Variants in ABCA13 observed in about 807,000 individuals in gnomAD.
ABCA13 encodes the protein ATP-binding cassette sub-family A member 13.
In ABCA13, 476 loss-of-function variants were observed where a neutral mutation model predicts 478.7. That is an observed-to-expected ratio of 0.99 (90% CI 0.92 to 1.07). ABCA13 has a LOEUF of 1.07. Ranked by LOEUF, ABCA13 falls within the 50% of genes least tolerant of loss-of-function variation. The pLI, the probability that ABCA13 is intolerant of heterozygous loss-of-function variation, is 0.00. For synonymous variants in ABCA13, 2,252 were observed against 2,158.9 expected (o/e 1.04, Z -1.20); for missense variants, 6,060 against 5,910.6 (o/e 1.03, Z -0.83).
chr7:48,174,710 T>G (rs1330313639), intron 1 of ABCA13, among the ~76,000 whole-genome samples: 1 of 152,148 alleles, frequency 6.6e-6, no homozygotes, highest in Non-Finnish European at 1.5e-5. Context: ...CTAATTAACT[T>G]TTGTGGTCTT....
At position 48,380,188 on chromosome 7, in the gene ABCA13, A is replaced by G. The variant is rs562507590; in HGVS notation, c.11335+3616A>G. 5.3e-5 allele frequency among the ~76,000 whole-genome samples: 8 copies of G among 152,346 alleles called. No homozygotes were observed. The East Asian group carries it at 9.6e-4, about 18-fold the overall frequency. ...ATTGTGCTATACAGTTTTAAAATATATATATCAAATGACAATGTAACATAG... is the reference window on the plus strand; with the variant it reads ...ATTGTGCTATACAGTTTTAAAATATGTATATCAAATGACAATGTAACATAG... On this transcript the variant is annotated intron_variant, in intron 35 of 61. Transcript: ENST00000435803.
At chr7:48,328,308 T>G (rs970702201) in intron 27 of ABCA13, among the ~76,000 whole-genome samples, 3 of 152,156 alleles carry the variant, frequency 2.0e-5, no homozygotes, top group Non-Finnish European at 4.4e-5. Flanking sequence ...TCCATTGCAA[T>G]CCACTTTCTG....
chr7:48,302,520 C>T (rs1371756257), intron 23 of ABCA13, among the ~76,000 whole-genome samples: 1 of 152,068 alleles, frequency 6.6e-6, no homozygotes, highest in Non-Finnish European at 1.5e-5. Context: ...AAATAGGCCC[C>T]AGTGTGCTTT....
At chr7:48,574,860 T>G (rs1788017258) in intron 55 of ABCA13, among the ~76,000 whole-genome samples, 1 of 152,214 alleles carries the variant, frequency 6.6e-6, no homozygotes, top group African/African-American at 2.4e-5. Flanking sequence ...TAAATAGATT[T>G]TTCTGCATTT....
intron 55 of ABCA13, among the ~76,000 whole-genome samples, chr7:48,553,581 G>A (rs951484266): frequency 1.2e-4 from 18 of 151,840 alleles, no homozygotes; most frequent in Admixed American, 2.6e-4. Context: ...GAACTTTTTC[G>A]TATACCTGTT....
rs186657376 is a variant in ABCA13 at position 48,511,235 on chromosome 7, T to G, written c.13640+36T>G. On this transcript the variant is annotated intron_variant, in intron 51 of 61. Coordinates refer to ENST00000435803, the MANE Select transcript of ABCA13 (RefSeq NM_152701.5). ...AGAAACGCTGCTGCAGAATTACGGT[T>G]TGTTTTCTGAAAGAGAAAACCCTCA... 9.0e-5 allele frequency: 139 copies of G among 1,550,000 alleles called. No individual in the cohort carries two copies. The African/African-American group carries it at 1.8e-3, about 20-fold the overall frequency.
In ABCA13 at chr7:48,561,954, T is replaced by C. The variant is rs1010768018; in HGVS notation, c.14355-18270T>C. ...ATTTCATTCTTTTGCAGGCTGTCTT[T>C]TCTGAAAGCTTTCTGAATAAGTGTA... is the stretch of plus-strand genomic sequence containing the variant. On this transcript the variant is annotated intron_variant, in intron 55 of 61. Coordinates refer to ENST00000435803, the MANE Select transcript of ABCA13 (RefSeq NM_152701.5). 2.0e-5 allele frequency among the ~76,000 whole-genome samples: 3 copies of C among 152,258 alleles called. No individual in the cohort carries two copies. The East Asian group carries it at 5.8e-4, about 29-fold the overall frequency.
intron 48 of ABCA13, among the ~76,000 whole-genome samples, chr7:48,499,822 CT>C (rs751258648): frequency 2.6e-5 from 4 of 152,250 alleles, no homozygotes; most frequent in Non-Finnish European, 4.4e-5. Flanking sequence ...AGCCTTGGAC[CT>C]TTTACCAACA....
intron 27 of ABCA13, among the ~76,000 whole-genome samples, chr7:48,325,634 G>A (rs182524354): frequency 6.6e-6 from 1 of 152,006 alleles, no homozygotes; most frequent in South Asian, 2.1e-4. Flanking sequence ...TATCAGTCAA[G>A]GTTCAAGCAG....
intron 38 of ABCA13, among the ~76,000 whole-genome samples, chr7:48,393,912 G>T (rs775662712): frequency 6.6e-6 from 1 of 152,156 alleles, no homozygotes; most frequent in Admixed American, 6.5e-5. Flanking sequence ...TGCCAGGGCT[G>T]CAGCTGGCCT....
At chr7:48,420,534 T>C (rs1820603229) in intron 41 of ABCA13, among the ~76,000 whole-genome samples, 1 of 152,198 alleles carries the variant, frequency 6.6e-6, no homozygotes. Context: ...TTTTTAGTAA[T>C]GTTTTAGAAA....
At chr7:48,606,613 A>G (rs1791493234) in intron 58 of ABCA13, among the ~76,000 whole-genome samples, 1 of 152,074 alleles carries the variant, frequency 6.6e-6, no homozygotes, top group Non-Finnish European at 1.5e-5. Context: ...CACCTACCAA[A>G]TACCAGCCAG....
chr7:48,195,468 A>G (rs993189722), intron 2 of ABCA13, among the ~76,000 whole-genome samples: 2 of 152,114 alleles, frequency 1.3e-5, no homozygotes, highest in Non-Finnish European at 2.9e-5. Flanking sequence ...AGGAGGTAAG[A>G]TGGGAAGAAA....
chr7:48,252,109 A>C (rs1048649544), intron 15 of ABCA13, among the ~76,000 whole-genome samples: 1 of 151,476 alleles, frequency 6.6e-6, no homozygotes, highest in Non-Finnish European at 1.5e-5. Flanking sequence ...CTTTAAATAC[A>C]CTCTCTGCCC....
At chr7:48,558,330 C>T (rs1010743068) in intron 55 of ABCA13, among the ~76,000 whole-genome samples, 1 of 151,310 alleles carries the variant, frequency 6.6e-6, no homozygotes, top group Admixed American at 6.6e-5. Context: ...ACTGCCTCAC[C>T]CTGTCACCCA....
rs371932258 is a variant in ABCA13 at position 48,240,749 on chromosome 7, CA to C, written c.1063-112del. On this transcript the variant is annotated intron_variant, in intron 9 of 61. Coordinates refer to ENST00000435803, the MANE Select transcript of ABCA13 (RefSeq NM_152701.5). ...ATTGCTAACAGACATTTTAATTTAC[CA>C]AAAAATAAAGATTGGCTGTCTGTCA... The C allele has an allele frequency of 1.3e-5, 11 of 814,878 alleles. No individual in the cohort carries two copies. The Middle Eastern group carries it at 3.6e-3, about 268-fold the overall frequency. 50.5% of individuals were successfully genotyped at this position (814,878 alleles called of 1,614,324 possible).
Position 48,352,468 on chromosome 7 carries a change from C to T in ABCA13, c.10669C>T (p.Pro3557Ser), listed in dbSNP as rs538389782. 21 of 1,606,068 alleles carry T rather than the reference C, an allele frequency of 1.3e-5. No homozygotes were observed. The highest frequency in any genetic ancestry group is 8.9e-5 in the South Asian group (8 of 90,298). Residue 3557 changes from proline (P) to serine (S), a missense_variant, in exon 31 of 62, where the codon CCC (proline) becomes TCC (serine). Pro to Ser is a moderately conservative substitution (Grantham distance 74). Coordinates refer to ENST00000435803, the MANE Select transcript of ABCA13 (RefSeq NM_152701.5). ...AGCACAGACTCAGGCGGCCCCTTAC[C>T]CCTGCCATACCAGCGACCTGTGAGT... ...PAAQTQAAPYPCHTSDLFLNN... is the reference protein window; with the variant it reads ...PAAQTQAAPYSCHTSDLFLNN...
At position 48,442,003 on chromosome 7, in the gene ABCA13, A is replaced by T. The variant is rs537488629; in HGVS notation, c.12566-13034A>T. ...CACAGAGTAAATAACTGCTCAGAAG[A>T]GCTGAGAGGCTTCCAGAGGAGAGAC... On this transcript the variant is annotated intron_variant, in intron 42 of 61. Coordinates refer to ENST00000435803, the MANE Select transcript of ABCA13 (RefSeq NM_152701.5). Among the ~76,000 whole-genome samples, 38 of 152,334 alleles carry T rather than the reference A, an allele frequency of 2.5e-4. No individual in the cohort carries two copies. The South Asian group carries it at 7.0e-3, about 28-fold the overall frequency.
chr7:48,644,483 T>C (rs979240528), intron 60 of ABCA13, 134 bp from the exon 61 acceptor site: 14 of 955,918 alleles, frequency 1.5e-5, no homozygotes, highest in African/African-American at 3.3e-5. Context: ...TAAGCATTCA[T>C]TGGAGACTCA....
Sources: gnomAD v4.1 joint callset for allele counts (sites outside exome capture counted in the v4.1 genomes callset) on GRCh38, gnomAD v4.1.1 for gene constraint, MANE v1.5 for transcripts, NCBI Gene and HGNC (gene_info 2026-07-23, HGNC 2026-07-21) for gene names.